Variants in PCDH17 observed in about 807,000 individuals in gnomAD.
The protein encoded by PCDH17 is protocadherin-17.
A neutral mutation model predicts 67.7 loss-of-function variants in PCDH17; 21 were observed. The observed-to-expected ratio is 0.31, with a 90% CI of 0.22 to 0.45. PCDH17 has a LOEUF of 0.45. PCDH17 is among the 20% of genes least tolerant of loss of function. PCDH17 has a pLI of 1.00. For synonymous variants in PCDH17, 701 were observed against 656.7 expected (o/e 1.07, Z -1.03); for missense variants, 1,471 against 1,564.8 (o/e 0.94, Z 1.01).
intron 3 of PCDH17, among the ~76,000 whole-genome samples, chr13:57,693,314 T>TTATATATATATATA (rs1442107442): frequency 2.4e-5 from 1 of 41,306 alleles, no homozygotes; most frequent in Non-Finnish European, 4.6e-5. Context: ...TCACTTACAT[T>TTATATATATATATA]CATATATATA....
intron 1 of PCDH17, among the ~76,000 whole-genome samples, chr13:57,663,201 A>G (rs895819831): frequency 2.3e-4 from 35 of 152,230 alleles, no homozygotes; most frequent in Admixed American, 3.9e-4. Flanking sequence ...ATGTTTATAT[A>G]TTTATCATAT....
chr13:57,641,058 G>C (rs145592944), intron 1 of PCDH17, among the ~76,000 whole-genome samples: 4 of 151,922 alleles, frequency 2.6e-5, no homozygotes, highest in Non-Finnish European at 4.4e-5. Flanking sequence ...ATATTAGTTA[G>C]AGAATAGCAT....
At chr13:57,680,170 A>T (rs1019607914) in intron 3 of PCDH17, among the ~76,000 whole-genome samples, 13 of 151,254 alleles carry the variant, frequency 8.6e-5, no homozygotes, top group African/African-American at 3.1e-4. Context: ...GTATGTGTGT[A>T]TGTATATATA....
rs191929162 is a variant in PCDH17, at chr13:57,654,258, C to A, written c.2566-12210C>A. Among the ~76,000 whole-genome samples the A allele has an allele frequency of 1.2e-4, 18 of 152,068 alleles. No homozygotes were observed. The East Asian group carries it at 2.3e-3, about 20-fold the overall frequency. On this transcript the variant is annotated intron_variant, in intron 1 of 3. Coordinates refer to ENST00000377918, the MANE Select transcript of PCDH17 (RefSeq NM_001040429.3). ...CTCTGTCACAAATACTGTACTCTGC[C>A]ATTGAAGCAGGAAGGCAGCCATAGA... is the stretch of plus-strand genomic sequence containing the variant.
In PCDH17 at chr13:57,712,269, G is replaced by A. The variant is rs527660115; in HGVS notation, c.2798-12343G>A. 7.3e-5 allele frequency among the ~76,000 whole-genome samples: 11 copies of A among 151,724 alleles called. No homozygotes were observed. The South Asian group carries it at 2.3e-3, about 31-fold the overall frequency. ...GGACCTTAAAAATGTACACATTCAC[G>A]GTTAGAGTGAAACTTACTTAAATTC... On this transcript the variant is annotated intron_variant, in intron 3 of 3. Transcript: ENST00000377918.
rs1412144769 is a variant in PCDH17 at position 57,725,929 on chromosome 13, G to C, written c.*635G>C. 1 of 152,280 alleles carries C rather than the reference G, an allele frequency of 6.6e-6. No individual in the cohort carries two copies. Among genetic ancestry groups the C allele is most frequent in the African/African-American group, 2.4e-5 (1 of 41,360 alleles). The allele number at this position is 152,280 out of a possible 1,614,324, so 9.4% of individuals were successfully genotyped here. A position where few individuals can be genotyped will look rare whatever the true frequency, so the allele number is the denominator to read the frequency against. Reference sequence around the variant, plus strand: ...AAACAAAAACAAAAAAAAAACCTTTGGTCATTTGTAAGACATCTCATGTCA... The same window carrying C: ...AAACAAAAACAAAAAAAAAACCTTTCGTCATTTGTAAGACATCTCATGTCA... On this transcript the variant is annotated 3_prime_UTR_variant, in exon 4 of 4. Transcript: ENST00000377918.
chr13:57,696,904 A>G (rs1424627697), intron 3 of PCDH17, among the ~76,000 whole-genome samples: 1 of 151,658 alleles, frequency 6.6e-6, no homozygotes, highest in Non-Finnish European at 1.5e-5. Flanking sequence ...ATCTACTTAA[A>G]TTCCTCCCAC....
chr13:57,707,086 G>A (rs1392051493), intron 3 of PCDH17, among the ~76,000 whole-genome samples: 1 of 151,958 alleles, frequency 6.6e-6, no homozygotes, highest in Non-Finnish European at 1.5e-5. Flanking sequence ...GCATCAAGAA[G>A]TAACCACACC....
At chr13:57,660,604 T>A (rs189076646) in intron 1 of PCDH17, among the ~76,000 whole-genome samples, 30 of 152,308 alleles carry the variant, frequency 2.0e-4, no homozygotes, top group African/African-American at 7.2e-4. Context: ...TGTTCATACA[T>A]GTGTAGTTTC....
chr13:57,670,474 C>A (rs2138030316), intron 3 of PCDH17, among the ~76,000 whole-genome samples: 1 of 151,364 alleles, frequency 6.6e-6, no homozygotes, highest in African/African-American at 2.4e-5. Context: ...CAGTCTTTTT[C>A]TCTTACTAAA....
intron 1 of PCDH17, among the ~76,000 whole-genome samples, chr13:57,635,858 G>A (rs140472382): frequency 8.9e-4 from 135 of 152,282 alleles, no homozygotes; most frequent in Non-Finnish European, 1.8e-3. Context: ...TGTGGTTACC[G>A]TGATCTGTTT....
At chr13:57,651,952 A>G (rs1760715511) in intron 1 of PCDH17, among the ~76,000 whole-genome samples, 1 of 152,206 alleles carries the variant, frequency 6.6e-6, no homozygotes, top group Admixed American at 6.5e-5. Context: ...TGGCCTAAAT[A>G]TAAGCAGTTG....
At chr13:57,707,700 A>C (rs1433046332) in intron 3 of PCDH17, among the ~76,000 whole-genome samples, 5 of 152,060 alleles carry the variant, frequency 3.3e-5, no homozygotes, top group African/African-American at 4.8e-5. Flanking sequence ...CTAGAAGTCC[A>C]ACATCAAGGT....
chr13:57,706,435 T>C (rs1458160060), intron 3 of PCDH17, among the ~76,000 whole-genome samples: 1 of 152,198 alleles, frequency 6.6e-6, no homozygotes, highest in East Asian at 1.9e-4. Context: ...GTAGGCATTT[T>C]ATATTTTGAA....
At position 57,632,249 on chromosome 13, in the gene PCDH17, G is replaced by T. The variant is rs543853264; in HGVS notation, c.-298G>T. 2.2e-6 allele frequency: 1 copy of T among 452,534 alleles called. No homozygotes were observed. The highest frequency in any genetic ancestry group is 4.1e-5 in the Admixed American group (1 of 24,276). 28.0% of individuals were successfully genotyped at this position (452,534 alleles called of 1,614,324 possible). The stretch of plus-strand genomic sequence containing the variant: ...CTCCCGAAGTCCGGGCGGGAGAGAC[G>T]AAACCCCTGGCTCACCCCCAGCCGC... On this transcript the variant is annotated 5_prime_UTR_variant, in exon 1 of 4. Coordinates refer to ENST00000377918, the MANE Select transcript of PCDH17 (RefSeq NM_001040429.3).
chr13:57,690,925 T>C (rs1955552646), intron 3 of PCDH17, among the ~76,000 whole-genome samples: 1 of 151,554 alleles, frequency 6.6e-6, no homozygotes, highest in South Asian at 2.1e-4. Flanking sequence ...TTGAAAATGA[T>C]ATCCCTTGTG....
chr13:57,638,474 A>G (rs1187557764), intron 1 of PCDH17, among the ~76,000 whole-genome samples: 1 of 152,052 alleles, frequency 6.6e-6, no homozygotes, highest in Non-Finnish European at 1.5e-5. Flanking sequence ...CACTACTACA[A>G]ATCATTTTAA....
intron 3 of PCDH17, among the ~76,000 whole-genome samples, chr13:57,709,069 C>T (rs1330849494): frequency 6.7e-6 from 1 of 149,560 alleles, no homozygotes; most frequent in South Asian, 2.1e-4. Context: ...TGTTAGGTAA[C>T]AAAAAAATAG....
chr13:57,664,232 C>G (rs905414458), intron 1 of PCDH17, among the ~76,000 whole-genome samples: 1 of 152,010 alleles, frequency 6.6e-6, no homozygotes, highest in Non-Finnish European at 1.5e-5. Context: ...TTCTCTTGTT[C>G]TCTCCCAAAC....
Sources: gnomAD v4.1 joint callset for allele counts (sites outside exome capture counted in the v4.1 genomes callset) on GRCh38, gnomAD v4.1.1 for gene constraint, MANE v1.5 for transcripts, NCBI Gene and HGNC (gene_info 2026-07-23, HGNC 2026-07-21) for gene names.